The following SMOC2 variants were observed in gnomAD, a reference collection of about 807,000 sequenced individuals.
SMOC2 encodes the protein SPARC related modular calcium binding 2.
Under a neutral mutation model 61.4 loss-of-function variants are expected in SMOC2, and 39 were observed. That is an observed-to-expected ratio of 0.64 (90% CI 0.49 to 0.83). SMOC2 has a LOEUF of 0.83. Among genes scored for constraint, SMOC2 ranks in the 40% least tolerant of loss-of-function variants. The probability of loss-of-function intolerance (pLI) is 0.00; values close to 1 mark genes in which losing one functional copy is unlikely to be tolerated. For missense variants in SMOC2, 556 were observed against 592.9 expected (o/e 0.94, Z 0.65); for synonymous variants, 247 against 239.9 (o/e 1.03, Z -0.27).
chr6:168,618,761 T>G (rs1786168507), intron 9 of SMOC2, among the ~76,000 whole-genome samples: 2 of 152,054 alleles, frequency 1.3e-5, no homozygotes, highest in South Asian at 2.1e-4. Flanking sequence ...TAGCCCAGCT[T>G]AGGCGATGGG....
intron 2 of SMOC2, among the ~76,000 whole-genome samples, chr6:168,525,085 A>G (rs1460706981): frequency 6.6e-6 from 1 of 152,254 alleles, no homozygotes; most frequent in African/African-American, 2.4e-5. Context: ...CTCAAGATGC[A>G]GGCACTTGTG....
chr6:168,639,524 T>C (rs576942720), intron 9 of SMOC2, among the ~76,000 whole-genome samples: 7 of 152,352 alleles, frequency 4.6e-5, no homozygotes, highest in Admixed American at 2.0e-4. Context: ...CCAGATCTTT[T>C]GTAGCTGTTT....
At chr6:168,499,729 T>C (rs986821138) in intron 1 of SMOC2, among the ~76,000 whole-genome samples, 1 of 152,220 alleles carries the variant, frequency 6.6e-6, no homozygotes, top group Non-Finnish European at 1.5e-5. Flanking sequence ...AATTTTCCAC[T>C]GGGAGCCCGT....
intron 1 of SMOC2, among the ~76,000 whole-genome samples, chr6:168,479,203 A>G (rs9355068): frequency 6.6e-6 from 1 of 150,402 alleles, no homozygotes; most frequent in Admixed American, 6.6e-5. Context: ...TTATGGTATC[A>G]GGTCTAGAAC....
chr6:168,631,083 C>T (rs568003939), intron 9 of SMOC2, among the ~76,000 whole-genome samples: 3 of 152,164 alleles, frequency 2.0e-5, no homozygotes, highest in South Asian at 2.1e-4. Flanking sequence ...CACACCTATT[C>T]GCACACTCCC....
At chr6:168,493,254 C>T (rs1042091435) in intron 1 of SMOC2, among the ~76,000 whole-genome samples, 3 of 152,098 alleles carry the variant, frequency 2.0e-5, no homozygotes, top group Non-Finnish European at 2.9e-5. Flanking sequence ...TCAGGCTGGT[C>T]TCGAACTCCT....
chr6:168,612,766 C>T lies in SMOC2; in HGVS notation c.907+4527C>T, dbSNP rs188803211. Among the ~76,000 whole-genome samples, 18 of 151,914 alleles carry T rather than the reference C, an allele frequency of 1.2e-4. No homozygotes were observed. The East Asian group carries it at 1.5e-3, about 13-fold the overall frequency. Reference sequence around the variant, plus strand: ...TCGGCGCGGCAATGCAAGAGGCCATCGGCACAACCTTGTCAGAGAGGAGAT... The same window carrying T: ...TCGGCGCGGCAATGCAAGAGGCCATTGGCACAACCTTGTCAGAGAGGAGAT... On this transcript the variant is annotated intron_variant, in intron 9 of 12. Coordinates refer to ENST00000356284, the MANE Select transcript of SMOC2 (RefSeq NM_001166412.2).
chr6:168,648,530 T>C (rs1274855271), intron 9 of SMOC2, among the ~76,000 whole-genome samples: 1 of 152,232 alleles, frequency 6.6e-6, no homozygotes, highest in East Asian at 1.9e-4. Flanking sequence ...TGGGCAGCTT[T>C]GGAAGCACCG....
intron 7 of SMOC2, among the ~76,000 whole-genome samples, chr6:168,596,511 G>T (rs1390321892): frequency 6.6e-6 from 1 of 151,998 alleles, no homozygotes; most frequent in African/African-American, 2.4e-5. Context: ...GAATGAACAG[G>T]TGCCATGTGA....
rs1338735998 is a variant in SMOC2, at chr6:168,555,611, A to G, written c.637+6408A>G. Reference sequence around the variant, plus strand: ...TTACAAGGTCCCACTCATAGCATGCACTGTGGAACCTAAATCATGCCTCTT... The same window carrying G: ...TTACAAGGTCCCACTCATAGCATGCGCTGTGGAACCTAAATCATGCCTCTT... On this transcript the variant is annotated intron_variant, in intron 7 of 12. Coordinates refer to ENST00000356284, the MANE Select transcript of SMOC2 (RefSeq NM_001166412.2). Among the ~76,000 whole-genome samples, 5 of 152,342 alleles carry G rather than the reference A, an allele frequency of 3.3e-5. No individual in the cohort carries two copies. The East Asian group carries it at 9.7e-4, about 29-fold the overall frequency.
At chr6:168,446,785 A>G (rs1340052827) in intron 1 of SMOC2, among the ~76,000 whole-genome samples, 1 of 152,250 alleles carries the variant, frequency 6.6e-6, no homozygotes, top group East Asian at 1.9e-4. Flanking sequence ...CAAGTAAAAT[A>G]TGAAATCACA....
intron 2 of SMOC2, among the ~76,000 whole-genome samples, chr6:168,518,920 TGA>T (rs1325330682): frequency 6.6e-6 from 1 of 151,780 alleles, no homozygotes; most frequent in Non-Finnish European, 1.5e-5. Context: ...TGAGTGAGCA[TGA>T]GTGTGCGTGC....
intron 7 of SMOC2, among the ~76,000 whole-genome samples, chr6:168,595,371 C>A (rs1400828126): frequency 6.6e-6 from 1 of 152,176 alleles, no homozygotes; most frequent in Non-Finnish European, 1.5e-5. Context: ...CTGTCATGTG[C>A]GAATTCACCC....
chr6:168,646,142 A>AT (rs1167156922), intron 9 of SMOC2, among the ~76,000 whole-genome samples: 3 of 152,218 alleles, frequency 2.0e-5, no homozygotes, highest in Non-Finnish European at 4.4e-5. Context: ...AATGCGTCTC[A>AT]TTATCCCCAG....
chr6:168,541,103 G>A (rs568667117), intron 4 of SMOC2, among the ~76,000 whole-genome samples: 2 of 152,282 alleles, frequency 1.3e-5, no homozygotes, highest in East Asian at 1.9e-4. Context: ...CCCTTAAACC[G>A]GAGACGTTTC....
chr6:168,555,669 C>T (rs1229504699), intron 7 of SMOC2, among the ~76,000 whole-genome samples: 2 of 152,212 alleles, frequency 1.3e-5, no homozygotes, highest in East Asian at 3.9e-4. Context: ...ATCTGTAGCT[C>T]AGGCCAAATT....
intron 9 of SMOC2, among the ~76,000 whole-genome samples, chr6:168,644,209 G>A (rs888212657): frequency 1.3e-5 from 2 of 152,194 alleles, no homozygotes; most frequent in East Asian, 1.9e-4. Flanking sequence ...GAGAGCACAC[G>A]TGTTTATGGA....
chr6:168,621,705 C>A (rs1786249969), intron 9 of SMOC2, among the ~76,000 whole-genome samples: 1 of 108,616 alleles, frequency 9.2e-6, no homozygotes, highest in African/African-American at 3.5e-5. Flanking sequence ...GTTTATAAAA[C>A]CATCAGATCT....
At chr6:168,595,477 A>AC (rs1785305673) in intron 7 of SMOC2, among the ~76,000 whole-genome samples, 1 of 152,210 alleles carries the variant, frequency 6.6e-6, no homozygotes, top group African/African-American at 2.4e-5. Context: ...TGCCTGCAGA[A>AC]CGCTGCGTTC....
Sources: gnomAD v4.1 joint callset for allele counts (sites outside exome capture counted in the v4.1 genomes callset) on GRCh38, gnomAD v4.1.1 for gene constraint, MANE v1.5 for transcripts, NCBI Gene and HGNC (gene_info 2026-07-23, HGNC 2026-07-21) for gene names.